Variants in TRAF3 observed in about 807,000 individuals in gnomAD.
The protein encoded by TRAF3 is TNF receptor-associated factor 3.
In TRAF3, 13 loss-of-function variants were observed where a neutral mutation model predicts 62.3. That is an observed-to-expected ratio of 0.21 (90% CI 0.14 to 0.33). The LOEUF (loss-of-function observed/expected upper bound fraction) is 0.33. TRAF3 is among the 10% of genes least tolerant of loss of function. TRAF3 has a pLI of 1.00. For synonymous variants in TRAF3, 269 were observed against 283.4 expected (o/e 0.95, Z 0.51); for missense variants, 440 against 741.8 (o/e 0.59, Z 4.73).
At chr14:102,792,316 A>G (rs1418298745) in intron 1 of TRAF3, among the ~76,000 whole-genome samples, 1 of 151,178 alleles carries the variant, frequency 6.6e-6, no homozygotes, top group Non-Finnish European at 1.5e-5. Context: ...TTGTGGAGAC[A>G]GGGTCTTGCT....
At chr14:102,814,817 C>T (rs1473966245) in intron 1 of TRAF3, among the ~76,000 whole-genome samples, 1 of 152,234 alleles carries the variant, frequency 6.6e-6, no homozygotes, top group Non-Finnish European at 1.5e-5. Context: ...ACCACTGCAC[C>T]TGGCCTCTTT....
chr14:102,823,006 CAA>C (rs113907707), intron 1 of TRAF3, among the ~76,000 whole-genome samples: 8 of 128,802 alleles, frequency 6.2e-5, no homozygotes, highest in Admixed American at 7.7e-5. Context: ...AACTCCATCT[CAA>C]AAAAAAAAAA....
At position 102,911,453 on chromosome 14, in the gene TRAF3, T is replaced by A. The variant is rs1890864317; in HGVS notation, c.*5669T>A. The A allele has an allele frequency of 6.6e-6, 1 of 152,240 alleles. No homozygotes were observed. The highest frequency in any genetic ancestry group is 6.5e-5 in the Admixed American group (1 of 15,280). The allele number at this position is 152,240 out of a possible 1,614,324, so 9.4% of individuals were successfully genotyped here. A position where few individuals can be genotyped will look rare whatever the true frequency, so the allele number is the denominator to read the frequency against. On this transcript the variant is annotated 3_prime_UTR_variant, in exon 12 of 12. Coordinates refer to ENST00000392745, the MANE Select transcript of TRAF3 (RefSeq NM_145725.3). ...GACTGTAGAATGCAAAACTCGGAGA[T>A]GCTAAACTGTCTTATTAGAGGAAAA... is the stretch of plus-strand genomic sequence containing the variant.
intron 1 of TRAF3, chr14:102,809,207 T>TA (rs1898966056): frequency 6.6e-6 from 1 of 152,158 alleles, no homozygotes; most frequent in Admixed American, 6.6e-5. Flanking sequence ...AGGATGGTCT[T>TA]AATCTCCTGA....
intron 1 of TRAF3, among the ~76,000 whole-genome samples, chr14:102,820,993 T>C (rs1899951905): frequency 6.6e-6 from 1 of 152,070 alleles, no homozygotes; most frequent in Non-Finnish European, 1.5e-5. Flanking sequence ...TGCCCTTTTT[T>C]TATTAGAAAA....
chr14:102,813,133 G>A (rs1452773550), intron 1 of TRAF3, among the ~76,000 whole-genome samples: 2 of 114,016 alleles, frequency 1.8e-5, no homozygotes, highest in East Asian at 2.8e-4. Flanking sequence ...GTGCCACCAC[G>A]CCTGGCTAAT....
chr14:102,789,570 C>T (rs1368322123), intron 1 of TRAF3, among the ~76,000 whole-genome samples: 1 of 151,690 alleles, frequency 6.6e-6, no homozygotes, highest in African/African-American at 2.4e-5. Context: ...TACCCAATCA[C>T]ACTTATGAAC....
intron 10 of TRAF3, among the ~76,000 whole-genome samples, chr14:102,897,904 T>C (rs1772310755): frequency 6.6e-6 from 1 of 152,234 alleles, no homozygotes; most frequent in African/African-American, 2.4e-5. Context: ...CTCCCCTGAA[T>C]AGAGGCGATG....
intron 2 of TRAF3, among the ~76,000 whole-genome samples, chr14:102,857,083 G>T (rs1030518532): frequency 1.3e-5 from 2 of 152,190 alleles, no homozygotes; most frequent in Admixed American, 1.3e-4. Flanking sequence ...GGCTTTCCAT[G>T]AACTGGGCAG....
At chr14:102,892,077 C>T (rs1215001175) in intron 9 of TRAF3, among the ~76,000 whole-genome samples, 5 of 140,318 alleles carry the variant, frequency 3.6e-5, no homozygotes, top group African/African-American at 8.1e-5. Context: ...TTCCCCAAGA[C>T]GGAGTTTTGC....
rs1890556683 is a variant in TRAF3, at chr14:102,905,792, C to T, written c.*8C>T. The T allele has an allele frequency of 3.7e-6, 6 of 1,612,314 alleles. No homozygotes were observed. Among genetic ancestry groups the T allele is most frequent in the South Asian group, 1.1e-5 (1 of 90,954 alleles). The stretch of plus-strand genomic sequence containing the variant: ...GATCTGCCCGATCCCTGATAAGTAG[C>T]TGGGGAGGTGGATTTAGCAGAAGGC... On this transcript the variant is annotated 3_prime_UTR_variant, in exon 12 of 12. Transcript: ENST00000392745.
intron 2 of TRAF3, among the ~76,000 whole-genome samples, chr14:102,867,687 T>A (rs1888083696): frequency 1.3e-5 from 2 of 152,114 alleles, no homozygotes; most frequent in African/African-American, 2.4e-5. Flanking sequence ...TGGTCAACCC[T>A]TTTACCTGGC....
In TRAF3 at chr14:102,777,454, G is replaced by A. The variant is rs898167279; in HGVS notation, c.-378G>A. 6.9e-6 allele frequency: 1 copy of A among 144,278 alleles called. No homozygotes were observed. Among genetic ancestry groups the A allele is most frequent in the Non-Finnish European group, 1.5e-5 (1 of 64,940 alleles). 8.9% of individuals were successfully genotyped at this position (144,278 alleles called of 1,614,324 possible). The stretch of plus-strand genomic sequence containing the variant: ...GCGCGAGAGGAAGTGCCTGCGCGGG[G>A]CTGCGTGAGGGAGCGAGGGAGCGAG... On this transcript the variant is annotated 5_prime_UTR_variant, in exon 1 of 12. Coordinates refer to ENST00000392745, the MANE Select transcript of TRAF3 (RefSeq NM_145725.3).
intron 1 of TRAF3, among the ~76,000 whole-genome samples, chr14:102,819,076 TA>T (rs1392272052): frequency 6.6e-6 from 1 of 151,288 alleles, no homozygotes; most frequent in East Asian, 1.9e-4. Flanking sequence ...AAAGTGAAGT[TA>T]AAAATTAATT....
At chr14:102,785,007 C>T (rs1036659108) in intron 1 of TRAF3, among the ~76,000 whole-genome samples, 1 of 152,134 alleles carries the variant, frequency 6.6e-6, no homozygotes, top group Non-Finnish European at 1.5e-5. Context: ...AGGAATTCTC[C>T]CCATTTTGCA....
intron 2 of TRAF3, among the ~76,000 whole-genome samples, chr14:102,845,059 G>A (rs1460989637): frequency 6.6e-6 from 1 of 151,616 alleles, no homozygotes; most frequent in Non-Finnish European, 1.5e-5. Context: ...CAGCACGCCG[G>A]CTAATTTTTT....
chr14:102,835,845 A>G (rs1332536058), intron 2 of TRAF3, among the ~76,000 whole-genome samples: 1 of 152,198 alleles, frequency 6.6e-6, no homozygotes, highest in Non-Finnish European at 1.5e-5. Context: ...CTGTACATCA[A>G]ACCCTGGTGA....
At chr14:102,791,813 C>CTT (rs112341301) in intron 1 of TRAF3, among the ~76,000 whole-genome samples, 31 of 146,340 alleles carry the variant, frequency 2.1e-4, no homozygotes, top group African/African-American at 2.5e-4. Context: ...TCTTTCTTTC[C>CTT]TTTTTTTTTT....
In TRAF3 at chr14:102,864,217, C is replaced by T. The variant is rs542165480; in HGVS notation, c.-17-5968C>T. Among the ~76,000 whole-genome samples the T allele has an allele frequency of 2.7e-5, 4 of 150,178 alleles. No homozygotes were observed. The South Asian group carries it at 6.3e-4, about 24-fold the overall frequency. ...GGGCTGGAGTGCAGTGGCGCCATCA[C>T]GGCTCACTGCAAGCTCCGCCTCCCA... On this transcript the variant is annotated intron_variant, in intron 2 of 11. Transcript: ENST00000392745.
Sources: allele counts gnomAD v4.1 joint callset (sites outside exome capture counted in the v4.1 genomes callset), GRCh38; gene constraint gnomAD v4.1.1; transcripts MANE v1.5; gene names NCBI Gene and HGNC (gene_info 2026-07-23, HGNC 2026-07-21).